Variants in KIAA1328 observed in about 807,000 individuals in gnomAD.
KIAA1328 encodes the protein protein hinderin.
In KIAA1328, 52 loss-of-function variants were observed where a neutral mutation model predicts 68.1. The observed-to-expected ratio is 0.76, with a 90% CI of 0.61 to 0.96. The LOEUF (loss-of-function observed/expected upper bound fraction) is 0.96. Ranked by LOEUF, KIAA1328 falls within the 40% of genes least tolerant of loss-of-function variation. The pLI, the probability that KIAA1328 is intolerant of heterozygous loss-of-function variation, is 0.00. For missense variants in KIAA1328, 641 were observed against 677.6 expected (o/e 0.95, Z 0.60); for synonymous variants, 232 against 239.4 (o/e 0.97, Z 0.28).
intron 6 of KIAA1328, among the ~76,000 whole-genome samples, chr18:37,056,760 C>G (rs766132547): frequency 6.6e-6 from 1 of 152,132 alleles, no homozygotes; most frequent in Non-Finnish European, 1.5e-5. Flanking sequence ...AAGCAGTTCT[C>G]CTGCTTCAGC....
chr18:36,879,623 G>A (rs891500509), intron 4 of KIAA1328, among the ~76,000 whole-genome samples: 9 of 152,128 alleles, frequency 5.9e-5, no homozygotes, highest in East Asian at 1.9e-4. Context: ...CTGAAGTTGC[G>A]CCCACAGCCA....
intron 6 of KIAA1328, among the ~76,000 whole-genome samples, chr18:37,034,849 T>C (rs1209710879): frequency 6.6e-6 from 1 of 152,082 alleles, no homozygotes; most frequent in East Asian, 1.9e-4. Flanking sequence ...AAAAAAGCAA[T>C]ATGAGGTAAC....
chr18:37,152,538 T>G (rs2059059036), intron 7 of KIAA1328, among the ~76,000 whole-genome samples: 1 of 152,086 alleles, frequency 6.6e-6, no homozygotes, highest in Admixed American at 6.6e-5. Flanking sequence ...TGTTTGCTTT[T>G]TCTTAATTGT....
chr18:36,952,608 G>T (rs937492864), intron 5 of KIAA1328, among the ~76,000 whole-genome samples: 4 of 152,190 alleles, frequency 2.6e-5, no homozygotes, highest in African/African-American at 9.7e-5. Context: ...AGCCAAGAAT[G>T]TTGGACTGAC....
intron 5 of KIAA1328, among the ~76,000 whole-genome samples, chr18:36,939,228 G>T (rs576312676): frequency 3.1e-4 from 47 of 152,102 alleles, no homozygotes; most frequent in Middle Eastern, 6.8e-3. Context: ...CATGAACATG[G>T]GATACCTTTC....
intron 7 of KIAA1328, among the ~76,000 whole-genome samples, chr18:37,099,355 G>A (rs890453516): frequency 6.6e-6 from 1 of 152,194 alleles, no homozygotes; most frequent in Non-Finnish European, 1.5e-5. Context: ...TCAGGAGCAG[G>A]TTGTTCAGTT....
chr18:36,912,493 C>T (rs2049493476), intron 5 of KIAA1328, among the ~76,000 whole-genome samples: 1 of 152,176 alleles, frequency 6.6e-6, no homozygotes, highest in Non-Finnish European at 1.5e-5. Context: ...AATTTAATCA[C>T]ATCTGCAAAG....
At chr18:37,086,492 A>G (rs1479354867) in intron 7 of KIAA1328, among the ~76,000 whole-genome samples, 1 of 151,962 alleles carries the variant, frequency 6.6e-6, no homozygotes, top group East Asian at 1.9e-4. Context: ...CATCCTGGAA[A>G]TTTTCTCTTT....
At chr18:37,033,708 T>A (rs2054920124) in intron 6 of KIAA1328, among the ~76,000 whole-genome samples, 1 of 152,244 alleles carries the variant, frequency 6.6e-6, no homozygotes, top group Non-Finnish European at 1.5e-5. Flanking sequence ...ACTGTTTTTC[T>A]GTGTAGCACT....
intron 8 of KIAA1328, among the ~76,000 whole-genome samples, chr18:37,166,303 G>A (rs1240019562): frequency 1.3e-5 from 2 of 152,304 alleles, no homozygotes; most frequent in East Asian, 3.9e-4. Flanking sequence ...GGACTTTAGT[G>A]TTAACTTAGT....
At chr18:37,080,779 GAA>G (rs768469176) in intron 7 of KIAA1328, among the ~76,000 whole-genome samples, 1 of 131,268 alleles carries the variant, frequency 7.6e-6, no homozygotes, top group Non-Finnish European at 1.6e-5. Flanking sequence ...GACTCTGTCT[GAA>G]AAAAAAAAAA....
chr18:37,115,054 G>C (rs1376957924), intron 7 of KIAA1328, among the ~76,000 whole-genome samples: 1 of 152,188 alleles, frequency 6.6e-6, no homozygotes, highest in Non-Finnish European at 1.5e-5. Flanking sequence ...TCCAGGACCA[G>C]ACGGATTCAC....
chr18:37,019,038 C>T (rs1335749970), intron 6 of KIAA1328, among the ~76,000 whole-genome samples: 1 of 152,196 alleles, frequency 6.6e-6, no homozygotes, highest in Non-Finnish European at 1.5e-5. Context: ...GATTCCTTCT[C>T]ATCTGATGAT....
intron 6 of KIAA1328, among the ~76,000 whole-genome samples, chr18:36,988,490 A>G (rs1020034388): frequency 6.6e-6 from 1 of 152,232 alleles, no homozygotes; most frequent in Admixed American, 6.5e-5. Context: ...TACAGTTCAT[A>G]GTTATTTACA....
At chr18:36,942,055 T>C (rs755553737) in intron 5 of KIAA1328, among the ~76,000 whole-genome samples, 4 of 152,216 alleles carry the variant, frequency 2.6e-5, no homozygotes, top group Admixed American at 2.0e-4. Context: ...GAAGTTAATA[T>C]TGAAAGGGTT....
At chr18:36,983,880 C>G (rs1412120550) in intron 6 of KIAA1328, among the ~76,000 whole-genome samples, 1 of 151,994 alleles carries the variant, frequency 6.6e-6, no homozygotes, top group African/African-American at 2.4e-5. Flanking sequence ...TCAAATGCAG[C>G]AATATTTTAG....
intron 5 of KIAA1328, among the ~76,000 whole-genome samples, chr18:36,932,241 T>G (rs1241638137): frequency 6.6e-6 from 1 of 152,162 alleles, no homozygotes; most frequent in Non-Finnish European, 1.5e-5. Context: ...TTATTTTTAT[T>G]GGAATGGGTC....
At chr18:37,182,093 G>C (rs1316931134) in intron 9 of KIAA1328, among the ~76,000 whole-genome samples, 1 of 152,110 alleles carries the variant, frequency 6.6e-6, no homozygotes, top group East Asian at 1.9e-4. Context: ...GCTATGAATG[G>C]TGACATCTGT....
chr18:37,139,310 A>G (rs1352366063), intron 7 of KIAA1328, among the ~76,000 whole-genome samples: 1 of 152,008 alleles, frequency 6.6e-6, no homozygotes, highest in Admixed American at 6.6e-5. Context: ...TTGTTCATTC[A>G]CAGGTCCATT....
Sources: gnomAD v4.1 joint callset for allele counts (sites outside exome capture counted in the v4.1 genomes callset) on GRCh38, gnomAD v4.1.1 for gene constraint, MANE v1.5 for transcripts, NCBI Gene and HGNC (gene_info 2026-07-23, HGNC 2026-07-21) for gene names.